CCNT1: variants seen among roughly 807,000 people sequenced by gnomAD.
The protein encoded by CCNT1 is cyclin T1.
In CCNT1, 18 loss-of-function variants were observed where a neutral mutation model predicts 67.3. The ratio of observed to expected loss-of-function variants is 0.27; its 90% CI spans 0.18 to 0.40. The LOEUF (loss-of-function observed/expected upper bound fraction) is 0.40, where lower values mean the gene tolerates loss of function less well. Among genes scored for constraint, CCNT1 ranks in the 10% least tolerant of loss-of-function variants. The pLI, the probability that CCNT1 is intolerant of heterozygous loss-of-function variation, is 1.00. For missense variants in CCNT1, 744 were observed against 884.9 expected (o/e 0.84, Z 2.02); for synonymous variants, 333 against 310.3 (o/e 1.07, Z -0.77).
chr12:48,697,276 T>C lies in CCNT1; in HGVS notation c.542+862A>G, dbSNP rs547833494. On this transcript the variant is annotated intron_variant, in intron 6 of 8. Transcript: ENST00000261900. The stretch of plus-strand genomic sequence containing the variant: ...GGTTTACACCTGTAATCCCAGCACT[T>C]TGGGAAGCCAAGGCAGGCGGATCAC... Among the ~76,000 whole-genome samples the C allele has an allele frequency of 2.6e-4, 40 of 152,118 alleles. 1 individual carries two copies. In the East Asian group the frequency reaches 7.7e-3, roughly 29 times the overall value.
At chr12:48,711,694 C>G (rs1940452987) in intron 2 of CCNT1, among the ~76,000 whole-genome samples, 1 of 151,220 alleles carries the variant, frequency 6.6e-6, no homozygotes. Context: ...GAAGGATATA[C>G]TCCTTGCAAT....
At chr12:48,708,950 C>T (rs1042595320) in intron 2 of CCNT1, among the ~76,000 whole-genome samples, 3 of 152,108 alleles carry the variant, frequency 2.0e-5, no homozygotes, top group African/African-American at 7.2e-5. Flanking sequence ...GGAAAATTCA[C>T]TGGGCGTGGT....
chr12:48,699,836 A>C lies in CCNT1; in HGVS notation c.438T>G (p.Phe146Leu). ...LESIILQTLG[F>L]ELTIDHPHTH... ...TATGTGGGTGATCAATTGTTAGTTC[A>C]AAGCCTTAAAAGAAAAAGTAATGGA... Residue 146 changes from phenylalanine (F) to leucine (L), a missense_variant, in exon 5 of 9, where the codon TTT (phenylalanine) becomes TTG (leucine). Phe to Leu is a conservative substitution (Grantham distance 22). Coordinates refer to ENST00000261900, the MANE Select transcript of CCNT1 (RefSeq NM_001240.4). 6.3e-7 allele frequency: 1 copy of C among 1,591,192 alleles called. No homozygotes were observed. The highest frequency in any genetic ancestry group is 1.3e-5 in the African/African-American group (1 of 74,354).
chr12:48,702,309 C>T (rs1345208458), intron 3 of CCNT1, among the ~76,000 whole-genome samples: 1 of 152,202 alleles, frequency 6.6e-6, no homozygotes, highest in Non-Finnish European at 1.5e-5. Flanking sequence ...CCTTTGGGGC[C>T]ATGTTAGGTT....
intron 3 of CCNT1, among the ~76,000 whole-genome samples, chr12:48,702,506 C>T (rs1236261599): frequency 5.9e-5 from 9 of 151,466 alleles, no homozygotes. Flanking sequence ...AAGAATGGGC[C>T]GGGTGCGGTG....
chr12:48,708,199 C>A (rs1333218000), intron 2 of CCNT1, among the ~76,000 whole-genome samples: 1 of 151,844 alleles, frequency 6.6e-6, no homozygotes, highest in Non-Finnish European at 1.5e-5. Flanking sequence ...CACAATGAGA[C>A]CCTGTCTCTG....
intron 2 of CCNT1, among the ~76,000 whole-genome samples, chr12:48,712,756 G>A (rs142239656): frequency 0.018 from 2,685 of 151,612 alleles, 84 homozygotes; most frequent in African/African-American, 0.061. Flanking sequence ...CCTGGCCAAC[G>A]TGGTGAAACC....
chr12:48,707,754 G>A (rs186056794), intron 2 of CCNT1, among the ~76,000 whole-genome samples: 1 of 149,826 alleles, frequency 6.7e-6, no homozygotes, highest in Non-Finnish European at 1.5e-5. Flanking sequence ...AGAAAAGGAT[G>A]GGATACATTA....
chr12:48,693,002 G>C lies in CCNT1; in HGVS notation c.*31C>G. 7.4e-7 allele frequency: 1 copy of C among 1,352,176 alleles called. No individual in the cohort carries two copies. The highest frequency in any genetic ancestry group is 1.0e-6 in the Non-Finnish European group (1 of 999,966). 83.8% of individuals were successfully genotyped at this position (1,352,176 alleles called of 1,614,324 possible). On this transcript the variant is annotated 3_prime_UTR_variant, in exon 9 of 9. Transcript: ENST00000261900. ...AAGAAAAATTATGTGTTTTTTTAAA[G>C]AAGTTTTTTTCTCCTCTTCTTTTTC...
intron 5 of CCNT1, 33 bp from the exon 6 acceptor site, chr12:48,698,216 G>T: frequency 1.4e-6 from 2 of 1,412,374 alleles, no homozygotes; most frequent in Non-Finnish European, 1.9e-6. Context: ...AGGGGTGGGG[G>T]AGGAAAAAAG....
At chr12:48,712,709 G>T (rs1404214630) in intron 2 of CCNT1, among the ~76,000 whole-genome samples, 1 of 147,284 alleles carries the variant, frequency 6.8e-6, no homozygotes, top group Non-Finnish European at 1.5e-5. Context: ...GGAGGCTGAG[G>T]CGGGCAGATC....
chr12:48,699,973 C>T (rs1208121568), intron 4 of CCNT1, 133 bp from the exon 5 acceptor site: 1 of 567,822 alleles, frequency 1.8e-6, no homozygotes, highest in East Asian at 3.0e-5. Flanking sequence ...ATTTATTCCA[C>T]CAGAAAAACA....
At chr12:48,698,285 C>T in intron 5 of CCNT1, 102 bp from the exon 6 acceptor site, 1 of 810,756 alleles carries the variant, frequency 1.2e-6, no homozygotes, top group Non-Finnish European at 1.9e-6. Flanking sequence ...TTGCAAGGTA[C>T]TGTGAATATA....
rs779337228 is a variant in CCNT1, at chr12:48,693,855, T to C, written c.1359A>G (p.Glu453=). 1 of 1,614,126 alleles carries C rather than the reference T, an allele frequency of 6.2e-7. No individual in the cohort carries two copies. The highest frequency in any genetic ancestry group is 2.2e-5 in the East Asian group (1 of 44,878). ...TTTTGAGAGCTGTTTTGTCAGCCTT[T>C]TCCAGAAAAGGCCGCTCGGGGTTTT... is the stretch of plus-strand genomic sequence containing the variant. ...GSENPERPFL[E]KADKTALKMR... is the part of the protein sequence containing the mutation. The change falls in exon 9 of 9, where the codon GAA becomes GAG. Residue 453 remains glutamate (E), a synonymous_variant. Coordinates refer to ENST00000261900, the MANE Select transcript of CCNT1 (RefSeq NM_001240.4).
At chr12:48,709,696 G>A (rs924036540) in intron 2 of CCNT1, among the ~76,000 whole-genome samples, 1 of 152,106 alleles carries the variant, frequency 6.6e-6, no homozygotes, top group African/African-American at 2.4e-5. Flanking sequence ...CAGTAGCATA[G>A]CAAGATATGA....
At chr12:48,710,368 G>A (rs749973970) in intron 2 of CCNT1, among the ~76,000 whole-genome samples, 8 of 152,108 alleles carry the variant, frequency 5.3e-5, no homozygotes, top group Non-Finnish European at 8.8e-5. Flanking sequence ...TATGTTAAAA[G>A]GTGATATTAA....
chr12:48,703,965 T>G (rs1364971542), intron 3 of CCNT1, among the ~76,000 whole-genome samples: 1 of 152,076 alleles, frequency 6.6e-6, no homozygotes, highest in African/African-American at 2.4e-5. Context: ...ACATTTATAG[T>G]GATTTTAAAA....
At chr12:48,713,354 TA>T (rs1213688081) in intron 2 of CCNT1, among the ~76,000 whole-genome samples, 2 of 152,164 alleles carry the variant, frequency 1.3e-5, no homozygotes, top group Non-Finnish European at 2.9e-5. Flanking sequence ...TTCATGTTCT[TA>T]AAAGTCATTT....
chr12:48,705,969 A>G, intron 2 of CCNT1, 73 bp from the exon 3 acceptor site: 7 of 1,408,266 alleles, frequency 5.0e-6, no homozygotes, highest in Non-Finnish European at 6.7e-6. Context: ...TCTAAAGAGG[A>G]GCTAAGTCTC....
Sources: allele counts gnomAD v4.1 joint callset (sites outside exome capture counted in the v4.1 genomes callset), GRCh38; gene constraint gnomAD v4.1.1; transcripts MANE v1.5; gene names NCBI Gene and HGNC (gene_info 2026-07-23, HGNC 2026-07-21).